Variants in NLRP5 observed in about 807,000 individuals in gnomAD.
The protein encoded by NLRP5 is NACHT, LRR and PYD domains-containing protein 5.
In NLRP5, 93 loss-of-function variants were observed where a neutral mutation model predicts 113.1. The observed-to-expected ratio is 0.82, with a 90% confidence interval of 0.70 to 0.98. The LOEUF is 0.98. Among genes scored for constraint, NLRP5 ranks in the 50% least tolerant of loss-of-function variants. NLRP5 has a pLI of 0.00. For missense variants in NLRP5, 1,808 were observed against 1,514.3 expected, an observed-to-expected ratio of 1.19 and a Z score of -3.22; for synonymous variants, 751 against 600.7, an observed-to-expected ratio of 1.25 and a Z score of -3.66.
intron 1 of NLRP5, among the ~76,000 whole-genome samples, chr19:56,002,446 T>G (rs1248097524): frequency 1.3e-5 from 2 of 151,922 alleles, no homozygotes; most frequent in African/African-American, 4.8e-5. Flanking sequence ...GGAATCTATT[T>G]GCCAGAGGTT....
chr19:55,997,649 T>G (rs1981365054), upstream of NLRP5, among the ~76,000 whole-genome samples: 2 of 152,072 alleles, frequency 1.3e-5, no homozygotes, highest in Admixed American at 1.3e-4. Flanking sequence ...CTAGCCAACA[T>G]GGTAAAACCC....
chr19:56,008,654 T>C (rs1049668131), intron 2 of NLRP5, 134 bp from the exon 3 acceptor site: 2 of 749,002 alleles, frequency 2.7e-6, no homozygotes, highest in Non-Finnish European at 4.6e-6. Context: ...TATAGGCCAA[T>C]CATGGAATAA....
intron 3 of NLRP5, among the ~76,000 whole-genome samples, chr19:56,010,755 A>AT (rs78321861): frequency 7.9e-6 from 1 of 125,982 alleles, no homozygotes; most frequent in Non-Finnish European, 1.7e-5. Flanking sequence ...AAAAAAAAAA[A>AT]GTCCCTTGAA....
At chr19:56,011,461 C>G (rs35014286) in intron 3 of NLRP5, among the ~76,000 whole-genome samples, 57,208 of 151,742 alleles carry the variant, frequency 0.38, 10,972 homozygotes, top group Admixed American at 0.41. Flanking sequence ...TGCACACTTT[C>G]AATGGGTGAA....
chr19:55,998,411 T>G (rs943109672), upstream of NLRP5, among the ~76,000 whole-genome samples: 1 of 151,976 alleles, frequency 6.6e-6, no homozygotes, highest in Non-Finnish European at 1.5e-5. Flanking sequence ...CCCAGCACTT[T>G]GGGAGGCCGA....
chr19:56,015,384 C>T (rs1003448598), intron 3 of NLRP5, among the ~76,000 whole-genome samples: 31 of 152,136 alleles, frequency 2.0e-4, no homozygotes, highest in Non-Finnish European at 1.6e-4. Context: ...TTAGTAGAGA[C>T]GGGGTTTCAC....
chr19:56,044,590 C>T (rs66949930), intron 11 of NLRP5, among the ~76,000 whole-genome samples: 8,056 of 152,242 alleles, frequency 0.053, 353 homozygotes, highest in African/African-American at 0.12. Flanking sequence ...TATTTTTGCA[C>T]GAGTACCACA....
intron 9 of NLRP5, among the ~76,000 whole-genome samples, chr19:56,036,058 C>CTGTTTTTTTTTTTTTTT (rs1983299929): frequency 1.3e-5 from 1 of 77,018 alleles, no homozygotes; most frequent in Non-Finnish European, 2.3e-5. Flanking sequence ...AATTGAGATT[C>CTGTTTTTTTTTTTTTTT]TTTTTTTTTT....
chr19:56,025,035 G>A (rs1293087836), intron 6 of NLRP5, among the ~76,000 whole-genome samples: 2 of 87,442 alleles, frequency 2.3e-5, no homozygotes, highest in African/African-American at 9.3e-5. Context: ...CACATGTGAG[G>A]GATCTGGGTT....
chr19:55,997,923 C>A (rs942182149), upstream of NLRP5, among the ~76,000 whole-genome samples: 4 of 151,948 alleles, frequency 2.6e-5, no homozygotes, highest in African/African-American at 9.7e-5. Context: ...TCTGTTGATA[C>A]TATTTATACA....
At chr19:55,995,951 C>A (rs1275153440), upstream of NLRP5, among the ~76,000 whole-genome samples, 1 of 152,056 alleles carries the variant, frequency 6.6e-6, no homozygotes, top group Non-Finnish European at 1.5e-5. Context: ...TAAAAACTTG[C>A]ATCATACTGA....
At chr19:56,007,901 G>A (rs1208758760) in intron 2 of NLRP5, among the ~76,000 whole-genome samples, 5 of 39,908 alleles carry the variant, frequency 1.3e-4, no homozygotes, top group Non-Finnish European at 2.6e-4. Flanking sequence ...GCGTGCGCGC[G>A]TGCGTGTGTG....
In NLRP5 at chr19:56,030,714, C is replaced by CTTTTTTTTTTTTTTTTTTTTTTTTTTTTT. The variant is rs770624516; in HGVS notation, c.2277-1879_2277-1878insTTTTTTTTTTTTTTTTTTTTTTTTTTTTT. On this transcript the variant is annotated intron_variant, in intron 7 of 14. Coordinates refer to ENST00000390649, the MANE Select transcript of NLRP5 (RefSeq NM_153447.4). ...ACTTACATTCATTCGCTTTCTTCTT[C>CTTTTTTTTTTTTTTTTTTTTTTTTTTTTT]TTTTTTTTTTTTTTTTTTGAGACGG... Among the ~76,000 whole-genome samples the CTTTTTTTTTTTTTTTTTTTTTTTTTTTTT allele has an allele frequency of 5.7e-4, 41 of 71,354 alleles. 10 individuals are homozygous for CTTTTTTTTTTTTTTTTTTTTTTTTTTTTT. Among genetic ancestry groups the CTTTTTTTTTTTTTTTTTTTTTTTTTTTTT allele is most frequent in the African/African-American group, 1.6e-3 (23 of 13,966 alleles). 46.8% of individuals were successfully genotyped at this position (71,354 alleles called of 152,430 possible).
chr19:56,009,339 C>CAAAAGAAAAAA (rs1982088248), intron 3 of NLRP5, among the ~76,000 whole-genome samples: 1 of 44,304 alleles, frequency 2.3e-5, no homozygotes, highest in African/African-American at 8.7e-5. Context: ...GACTCCATCT[C>CAAAAGAAAAAA]AAAAAAAAAA....
chr19:55,998,714 GTATA>G (rs1555762453), upstream of NLRP5, among the ~76,000 whole-genome samples: 1 of 76,024 alleles, frequency 1.3e-5, no homozygotes, highest in Non-Finnish European at 2.5e-5. Context: ...GTGTGTGTGT[GTATA>G]TATATATATA....
At chr19:56,004,830 T>C (rs1971515) in intron 2 of NLRP5, among the ~76,000 whole-genome samples, 23,629 of 151,916 alleles carry the variant, frequency 0.16, 1,971 homozygotes, top group African/African-American at 0.2. Flanking sequence ...CAGTGACTCA[T>C]GGCTGTGATC....
chr19:56,051,730 A>G (rs1468928521), intron 12 of NLRP5, among the ~76,000 whole-genome samples: 1 of 152,116 alleles, frequency 6.6e-6, no homozygotes, highest in Non-Finnish European at 1.5e-5. Context: ...AAATTTAAAA[A>G]TCTCCTAAAG....
chr19:56,041,543 G>A (rs1479799380), intron 11 of NLRP5, among the ~76,000 whole-genome samples: 3 of 152,312 alleles, frequency 2.0e-5, no homozygotes, highest in South Asian at 2.1e-4. Flanking sequence ...CAACGGCACC[G>A]TGACTCGTGC....
chr19:55,995,665 T>C (rs79583172), upstream of NLRP5, among the ~76,000 whole-genome samples: 17 of 152,324 alleles, frequency 1.1e-4, no homozygotes, highest in African/African-American at 3.8e-4. Context: ...ATTGAATCTG[T>C]AGATTGTTTT....
Sources: gnomAD v4.1 joint callset for allele counts (sites outside exome capture counted in the v4.1 genomes callset) on GRCh38, gnomAD v4.1.1 for gene constraint, MANE v1.5 for transcripts, NCBI Gene and HGNC (gene_info 2026-07-23, HGNC 2026-07-21) for gene names.